The following TRIM37 variants were observed in gnomAD, a reference collection of about 807,000 sequenced individuals.
TRIM37 encodes tripartite motif containing 37, also known as E3 ubiquitin-protein ligase TRIM37.
In TRIM37, 80 loss-of-function variants were observed where a neutral mutation model predicts 129.8. The ratio of observed to expected loss-of-function variants is 0.62; its 90% confidence interval spans 0.51 to 0.74. TRIM37 has a LOEUF of 0.74. Ranked by LOEUF, TRIM37 falls within the 30% of genes least tolerant of loss-of-function variation. The pLI is 0.00. For missense variants in TRIM37, 1,054 were observed against 1,176.5 expected (o/e 0.90, Z 1.52); for synonymous variants, 389 against 387.1 (o/e 1.00, Z -0.06).
chr17:59,067,011 C>T (rs1208609956), intron 9 of TRIM37, among the ~76,000 whole-genome samples: 2 of 151,856 alleles, frequency 1.3e-5, no homozygotes, highest in South Asian at 2.1e-4. Flanking sequence ...AATTACTTTG[C>T]TTTTTAAATT....
chr17:59,042,470 A>ATATC (rs2039355760), intron 16 of TRIM37, among the ~76,000 whole-genome samples: 2 of 112,930 alleles, frequency 1.8e-5, no homozygotes, highest in African/African-American at 6.4e-5. Context: ...ATATATATAT[A>ATATC]TATATCTCAA....
intron 21 of TRIM37, among the ~76,000 whole-genome samples, chr17:59,014,466 T>C (rs1203782721): frequency 6.6e-6 from 1 of 152,100 alleles, no homozygotes; most frequent in African/African-American, 2.4e-5. Flanking sequence ...TTAATTGCCA[T>C]GCCGGGGATT....
rs1310534450 is a variant in TRIM37 at position 58,999,367 on chromosome 17, G to C, written c.*10C>G. ...AGGTAGCTTGCAAGTCAGTTCTCTT[G>C]ATTTGGCAATTACCTTCCACTATTT... On this transcript the variant is annotated 3_prime_UTR_variant, in exon 24 of 24. Transcript: ENST00000262294. 1 of 1,613,854 alleles carries C rather than the reference G, an allele frequency of 6.2e-7. No individual in the cohort carries two copies. The highest frequency in any genetic ancestry group is 8.5e-7 in the Non-Finnish European group (1 of 1,179,886).
rs1437298825 is a variant in TRIM37, at chr17:59,101,667, AAAAAAAAAAAAT to A, written c.123+2614_123+2625del. On this transcript the variant is annotated intron_variant, in intron 2 of 23. Coordinates refer to ENST00000262294, the MANE Select transcript of TRIM37 (RefSeq NM_015294.6). ...AACCCCATCTCTACAAAAAAAAAAA[AAAAAAAAAAAAT>A]ATATATATATATATATACACACACA... 9.6e-3 allele frequency among the ~76,000 whole-genome samples: 1,149 copies of A among 119,900 alleles called. 18 individuals are homozygous for A. The highest frequency in any genetic ancestry group is 0.038 in the African/African-American group (1,107 of 28,904). 78.7% of individuals were successfully genotyped at this position (119,900 alleles called of 152,430 possible).
downstream of TRIM37, chr17:58,980,122 C>T (rs555614220): frequency 1.9e-5 from 31 of 1,614,066 alleles, no homozygotes; most frequent in South Asian, 3.4e-4. This position sits in a 1 kb window ranked among gnomAD's most constrained non-coding sequence, Gnocchi z 4.7. Context: ...TGTCCGACCA[C>T]CTGAAAGAGA....
At chr17:59,103,118 A>C (rs1046318043) in intron 2 of TRIM37, among the ~76,000 whole-genome samples, 12 of 152,006 alleles carry the variant, frequency 7.9e-5, no homozygotes, top group African/African-American at 2.9e-4. Context: ...GGTGATCCAC[A>C]CACCTCAGCC....
the TRIM37 span, among the ~76,000 whole-genome samples, chr17:58,971,824 A>G: frequency 6.6e-6 from 1 of 152,238 alleles, no homozygotes; most frequent in African/African-American, 2.4e-5. Flanking sequence ...TGTCTTATAT[A>G]CTAATAGTTA....
chr17:59,082,583 G>C (rs911623208), intron 5 of TRIM37, among the ~76,000 whole-genome samples: 8 of 152,118 alleles, frequency 5.3e-5, no homozygotes, highest in Non-Finnish European at 7.3e-5. Flanking sequence ...ATCCCACAGA[G>C]TTACTACAGA....
intron 14 of TRIM37, 74 bp downstream of exon 14, chr17:59,051,140 T>C (rs2040302927): frequency 5.4e-6 from 5 of 933,398 alleles, no homozygotes; most frequent in Non-Finnish European, 8.2e-6. Flanking sequence ...ATAAAATATA[T>C]AAAATCTAAT....
Position 59,089,382 on chromosome 17 carries a change from C to A in TRIM37, c.165-975G>T, listed in dbSNP as rs1283288704. Reference sequence around the variant, plus strand: ...TTTTGGCCAGGTGCAGTGGCTCACACCTGTAATCCCAGCAGTTTGGGAGGC... The same window carrying A: ...TTTTGGCCAGGTGCAGTGGCTCACAACTGTAATCCCAGCAGTTTGGGAGGC... On this transcript the variant is annotated intron_variant, in intron 3 of 23. Transcript: ENST00000262294. Among the ~76,000 whole-genome samples, 3 of 152,306 alleles carry A rather than the reference C, an allele frequency of 2.0e-5. No homozygotes were observed. The Middle Eastern group carries it at 0.01, about 518-fold the overall frequency.
downstream of TRIM37, chr17:58,980,582 A>G (rs2031296372): frequency 1.2e-6 from 2 of 1,614,222 alleles, no homozygotes; most frequent in Non-Finnish European, 1.7e-6. This position sits in a 1 kb window ranked among gnomAD's most constrained non-coding sequence, Gnocchi z 4.7. Context: ...TAATGAGTTA[A>G]TGATGGAGAA....
At chr17:59,033,566 G>A (rs2038122750) in intron 17 of TRIM37, among the ~76,000 whole-genome samples, 1 of 151,992 alleles carries the variant, frequency 6.6e-6, no homozygotes, top group Admixed American at 6.6e-5. Flanking sequence ...CCGTAGTGGG[G>A]ACTACAGGCA....
intron 2 of TRIM37, among the ~76,000 whole-genome samples, chr17:59,103,052 T>C (rs2045658425): frequency 6.6e-6 from 1 of 152,000 alleles, no homozygotes; most frequent in South Asian, 2.1e-4. Flanking sequence ...TTTGTATTTT[T>C]AGCAGAGACA....
chr17:59,042,485 G>A (rs915524831), intron 16 of TRIM37, among the ~76,000 whole-genome samples: 6 of 128,898 alleles, frequency 4.7e-5, no homozygotes, highest in African/African-American at 1.6e-4. Context: ...TCTCAAGGCC[G>A]GGCGCAGTGA....
chr17:59,064,983 G>A (rs528546063), intron 9 of TRIM37, among the ~76,000 whole-genome samples: 9 of 152,260 alleles, frequency 5.9e-5, no homozygotes, highest in South Asian at 4.1e-4. Context: ...CCCCAGATGC[G>A]GAGGTTGCGG....
Position 59,001,598 on chromosome 17 carries a change from C to CGGA in TRIM37, c.2811_2812insTCC (p.Glu937_Asp938insSer), listed in dbSNP as rs1422315871. 1.2e-6 allele frequency: 2 copies of CGGA among 1,613,900 alleles called. No homozygotes were observed. The highest frequency in any genetic ancestry group is 3.3e-5 in the Admixed American group (2 of 59,986). ...TGTAAAATGACATCATGTGCTGCACCTTCATCCGGGGGCTGTGTCATGACC... is the reference window on the plus strand; with the variant it reads ...TGTAAAATGACATCATGTGCTGCACCGGATTCATCCGGGGGCTGTGTCATGACC... On this transcript the variant is annotated inframe_insertion and splice_region_variant, in exon 23 of 24. Coordinates refer to ENST00000262294, the MANE Select transcript of TRIM37 (RefSeq NM_015294.6).
chr17:58,993,777 G>A (rs771934618), downstream of TRIM37, among the ~76,000 whole-genome samples: 2 of 151,594 alleles, frequency 1.3e-5, no homozygotes, highest in Non-Finnish European at 2.9e-5. Flanking sequence ...TTTAATGTAT[G>A]TAAATTTACA....
chr17:59,064,804 G>T (rs533908989), intron 9 of TRIM37, among the ~76,000 whole-genome samples: 1 of 152,234 alleles, frequency 6.6e-6, no homozygotes, highest in Non-Finnish European at 1.5e-5. Context: ...CCAGCTACTT[G>T]GGAGGCTGAG....
intron 7 of TRIM37, 97 bp downstream of exon 7, chr17:59,079,657 A>C: frequency 6.7e-7 from 1 of 1,503,358 alleles, no homozygotes; most frequent in East Asian, 2.3e-5. Context: ...TAAAATCTCA[A>C]GATTCCTTCC....
Sources: allele counts gnomAD v4.1 joint callset (sites outside exome capture counted in the v4.1 genomes callset), GRCh38; gene constraint gnomAD v4.1.1; non-coding constraint Gnocchi (gnomAD v3.1); transcripts MANE v1.5; gene names NCBI Gene and HGNC (gene_info 2026-07-23, HGNC 2026-07-21).